DNAJC11: variants seen among roughly 807,000 people sequenced by gnomAD.
DNAJC11 encodes the protein DnaJ heat shock protein family (Hsp40) member C11, also known as dnaJ homolog subfamily C member 11.
A neutral mutation model predicts 78.6 loss-of-function variants in DNAJC11; 15 were observed. That is an observed-to-expected ratio of 0.19 (90% CI 0.13 to 0.29). DNAJC11 has a LOEUF of 0.29. Among genes scored for constraint, DNAJC11 ranks in the 10% least tolerant of loss-of-function variants. DNAJC11 has a pLI of 1.00. For synonymous variants in DNAJC11, 292 were observed against 272.1 expected, an observed-to-expected ratio of 1.07 and a Z score of -0.72; for missense variants, 547 against 709.6, an observed-to-expected ratio of 0.77 and a Z score of 2.60.
intron 1 of DNAJC11, among the ~76,000 whole-genome samples, chr1:6,683,229 C>T (rs527567410): frequency 3.3e-5 from 5 of 152,272 alleles, no homozygotes; most frequent in East Asian, 3.9e-4. Context: ...TCATGTGGTT[C>T]GCTCTGGGGC....
rs138696058 is a variant in DNAJC11 at position 6,639,146 on chromosome 1, C to T, written c.1253+756G>A. Among the ~76,000 whole-genome samples the T allele has an allele frequency of 2.5e-3, 374 of 152,278 alleles. 3 individuals carry two copies. The highest frequency in any genetic ancestry group is 8.3e-3 in the African/African-American group (346 of 41,550). The stretch of plus-strand genomic sequence containing the variant: ...GCTTGCACTAATAATTTAGGTTTCA[C>T]GGCATGCCCCAATGGATTATCTAAG... On this transcript the variant is annotated intron_variant, in intron 11 of 15. Coordinates refer to ENST00000377577, the MANE Select transcript of DNAJC11 (RefSeq NM_018198.4).
intron 10 of DNAJC11, among the ~76,000 whole-genome samples, chr1:6,641,141 T>A (rs1041978474): frequency 2.6e-5 from 4 of 151,810 alleles, no homozygotes; most frequent in African/African-American, 9.7e-5. Context: ...ATCCTAGCAT[T>A]TTGGGAGGCT....
At chr1:6,660,051 G>A (rs1286380457) in intron 4 of DNAJC11, among the ~76,000 whole-genome samples, 3 of 147,548 alleles carry the variant, frequency 2.0e-5, no homozygotes, top group East Asian at 4.0e-4. Context: ...GCAAGACTCT[G>A]TCTCAAAAAC....
At chr1:6,670,314 G>A (rs1642360449) in intron 3 of DNAJC11, 1 of 151,936 alleles carries the variant, frequency 6.6e-6, no homozygotes. Flanking sequence ...CTTCTCATGG[G>A]CTCACACTCA....
Position 6,635,397 on chromosome 1 carries a change from T to G in DNAJC11, c.*278A>C. ...CACGTGTGCTCGGGACACAGCGGAG[T>G]CAGGGCCAGAGCCCTTCCCTCCAGG... On this transcript the variant is annotated 3_prime_UTR_variant, in exon 16 of 16. Transcript: ENST00000377577. 2.5e-6 allele frequency: 1 copy of G among 406,878 alleles called. No homozygotes were observed. The highest frequency in any genetic ancestry group is 4.5e-6 in the Non-Finnish European group (1 of 224,590). The allele number at this position is 406,878 out of a possible 1,614,324, so 25.2% of individuals were successfully genotyped here. A position where few individuals can be genotyped will look rare whatever the true frequency, so the allele number is the denominator to read the frequency against.
intron 4 of DNAJC11, among the ~76,000 whole-genome samples, chr1:6,656,323 T>A (rs572247104): frequency 6.6e-6 from 1 of 152,220 alleles, no homozygotes; most frequent in South Asian, 2.1e-4. Context: ...GGTAAATTTA[T>A]ATTCTGTTCA....
chr1:6,652,980 G>T, intron 5 of DNAJC11, 29 bp from the exon 6 acceptor site: 1 of 1,613,442 alleles, frequency 6.2e-7, no homozygotes, highest in Non-Finnish European at 8.5e-7. Context: ...GGTAATGAAT[G>T]AATCAAAACA....
chr1:6,675,973 C>A (rs376695039), intron 3 of DNAJC11, among the ~76,000 whole-genome samples: 2 of 152,080 alleles, frequency 1.3e-5, no homozygotes, highest in East Asian at 1.9e-4. Flanking sequence ...CTTAAAAAAA[C>A]AAAGAAGCTT....
intron 7 of DNAJC11, among the ~76,000 whole-genome samples, chr1:6,646,229 C>G (rs1641963723): frequency 6.6e-6 from 1 of 152,178 alleles, no homozygotes. Context: ...AAATAGGCAC[C>G]TGACTGTCTG....
intron 3 of DNAJC11, among the ~76,000 whole-genome samples, chr1:6,669,513 T>A (rs974873267): frequency 1.6e-5 from 2 of 121,782 alleles, no homozygotes; most frequent in Non-Finnish European, 3.4e-5. Flanking sequence ...AACTCTGTCT[T>A]AGAAAAGAAA....
intron 1 of DNAJC11, among the ~76,000 whole-genome samples, chr1:6,696,544 C>A (rs1642839504): frequency 6.6e-6 from 1 of 152,210 alleles, no homozygotes; most frequent in Admixed American, 6.5e-5. Context: ...TTGGGCCTCA[C>A]TCTGTGGCTG....
At chr1:6,678,370 C>T in intron 3 of DNAJC11, 24 bp downstream of exon 3, 4 of 1,606,264 alleles carry the variant, frequency 2.5e-6, no homozygotes, top group South Asian at 1.1e-5. Flanking sequence ...TTTTCTGGAA[C>T]ACCAGACGCA....
At chr1:6,690,244 A>C (rs1455854853) in intron 1 of DNAJC11, among the ~76,000 whole-genome samples, 1 of 152,246 alleles carries the variant, frequency 6.6e-6, no homozygotes, top group African/African-American at 2.4e-5. Context: ...AAATTATATA[A>C]GTAACCAATA....
rs1642089379 is a variant in DNAJC11 at position 6,653,766 on chromosome 1, CTTTCTTT to C, written c.507+138_507+144del. 1 of 1,135,508 alleles carries C rather than the reference CTTTCTTT, an allele frequency of 8.8e-7. No homozygotes were observed. The highest frequency in any genetic ancestry group is 1.2e-6 in the Non-Finnish European group (1 of 807,956). 70.3% of individuals were successfully genotyped at this position (1,135,508 alleles called of 1,614,324 possible). The stretch of plus-strand genomic sequence containing the variant: ...GTAACACACGGCTGGGAATGAAGCG[CTTTCTTT>C]TTTAAGTGGCTAATTGCATCCTTTC... On this transcript the variant is annotated intron_variant, in intron 5 of 15. Transcript: ENST00000377577. The surrounding 1 kb of genome is among the most constrained non-coding windows in gnomAD (Gnocchi z 4.5).
chr1:6,649,276 T>C (rs113255930), intron 7 of DNAJC11, among the ~76,000 whole-genome samples: 160 of 151,682 alleles, frequency 1.1e-3, no homozygotes, highest in African/African-American at 3.6e-3. Context: ...TTCACGCCAT[T>C]CTCCTGCCTC....
intron 14 of DNAJC11, 87 bp downstream of exon 14, chr1:6,637,111 A>G (rs557281982): frequency 6.4e-7 from 1 of 1,556,780 alleles, no homozygotes; most frequent in African/African-American, 1.4e-5. Flanking sequence ...TGGCCTTCCA[A>G]AGTGCTAGGA....
At chr1:6,636,090 G>A (rs1570258259) in intron 15 of DNAJC11, 27 bp downstream of exon 15, 2 of 1,604,570 alleles carry the variant, frequency 1.2e-6, no homozygotes, top group Non-Finnish European at 8.5e-7. Flanking sequence ...CCCGTTAGCT[G>A]GTGACTGCGA....
At chr1:6,695,376 C>T (rs1310309653) in intron 1 of DNAJC11, among the ~76,000 whole-genome samples, 6 of 151,864 alleles carry the variant, frequency 4.0e-5, no homozygotes, top group Admixed American at 3.3e-4. Flanking sequence ...TAACTAAATA[C>T]CTACTTATGA....
In DNAJC11 at chr1:6,653,976, C is replaced by T. The variant is rs1642091914; in HGVS notation, c.442G>A (p.Asp148Asn). 1 of 1,613,526 alleles carries T rather than the reference C, an allele frequency of 6.2e-7. No individual in the cohort carries two copies. Among genetic ancestry groups the T allele is most frequent in the Non-Finnish European group, 8.5e-7 (1 of 1,179,660 alleles). The change falls in exon 5 of 16, where the codon GAT (aspartate) becomes AAT (asparagine). Residue 148 changes from aspartate to asparagine, a missense_variant. Coordinates refer to ENST00000377577, the MANE Select transcript of DNAJC11 (RefSeq NM_018198.4). The surrounding 1 kb of genome is among the most constrained non-coding windows in gnomAD (Gnocchi z 4.5). ...TGCGGAAAGCTACTGCCGGACACAT[C>T]TTCATACTCCTCATCATAGCGATCA... is the stretch of plus-strand genomic sequence containing the variant. Reference protein sequence around the residue: ...LFDRYDEEYEDVSGSSFPQIE... With the variant: ...LFDRYDEEYENVSGSSFPQIE...
Sources: gnomAD v4.1 joint callset for allele counts (sites outside exome capture counted in the v4.1 genomes callset) on GRCh38, gnomAD v4.1.1 for gene constraint, Gnocchi (gnomAD v3.1) non-coding constraint, MANE v1.5 for transcripts, NCBI Gene and HGNC (gene_info 2026-07-23, HGNC 2026-07-21) for gene names.